PCDHGA6: variants seen among roughly 807,000 people sequenced by gnomAD.
PCDHGA6 encodes the protein protocadherin gamma subfamily A, 6.
Under a neutral mutation model 60.6 loss-of-function variants are expected in PCDHGA6, and 41 were observed. That is an observed-to-expected ratio of 0.68 (90% CI 0.53 to 0.88). The LOEUF (loss-of-function observed/expected upper bound fraction) is 0.88. Among genes scored for constraint, PCDHGA6 ranks in the 40% least tolerant of loss-of-function variants. The pLI is 0.00. For synonymous variants in PCDHGA6, 594 were observed against 524.4 expected (o/e 1.13, Z -1.81); for missense variants, 1,312 against 1,203.0 (o/e 1.09, Z -1.34).
At chr5:141,434,338 G>A (rs1037038534) in intron 1 of PCDHGA6, among the ~76,000 whole-genome samples, 5 of 152,086 alleles carry the variant, frequency 3.3e-5, no homozygotes, top group East Asian at 1.9e-4. Context: ...TCTTTGTGTC[G>A]GGAACAGGCC....
At chr5:141,464,870 C>G (rs1488189681) in intron 1 of PCDHGA6, among the ~76,000 whole-genome samples, 1 of 152,126 alleles carries the variant, frequency 6.6e-6, no homozygotes, top group Non-Finnish European at 1.5e-5. Flanking sequence ...TCCCAAGTAG[C>G]TAGGACTACA....
At chr5:141,413,572 A>C in intron 1 of PCDHGA6, 2 of 1,613,890 alleles carry the variant, frequency 1.2e-6, no homozygotes, top group Non-Finnish European at 1.7e-6. Context: ...TATCAATGAC[A>C]ATGCTCCAAA....
At chr5:141,403,524 A>T in intron 1 of PCDHGA6, 1 of 1,613,890 alleles carries the variant, frequency 6.2e-7, no homozygotes. Context: ...GGAGCCATAA[A>T]CCCAGAGCTG....
In PCDHGA6 at chr5:141,480,546, G is replaced by A. The variant is rs184388425; in HGVS notation, c.2425-14261G>A. Reference sequence around the variant, plus strand: ...GACAAAGTAGAAGCACATATGAAAAGGCTAAGAAAGCATGAAAGCCAGCAA... The same window carrying A: ...GACAAAGTAGAAGCACATATGAAAAAGCTAAGAAAGCATGAAAGCCAGCAA... On this transcript the variant is annotated intron_variant, in intron 1 of 3. Coordinates refer to ENST00000517434, the MANE Select transcript of PCDHGA6 (RefSeq NM_018919.3). 4.9e-4 allele frequency among the ~76,000 whole-genome samples: 63 copies of A among 128,620 alleles called. 1 individual carries two copies. Among genetic ancestry groups the A allele is most frequent in the Middle Eastern group, 4.2e-3 (1 of 236 alleles). The allele number at this position is 128,620 out of a possible 152,430, so 84.4% of individuals were successfully genotyped here. A position where few individuals can be genotyped will look rare whatever the true frequency, so the allele number is the denominator to read the frequency against.
chr5:141,472,556 T>A (rs2099287889), intron 1 of PCDHGA6, among the ~76,000 whole-genome samples: 1 of 151,628 alleles, frequency 6.6e-6, no homozygotes, highest in South Asian at 2.1e-4. Flanking sequence ...AAAAAAATTA[T>A]ATTATAAATG....
chr5:141,410,180 C>G (rs776702898), intron 1 of PCDHGA6: 43 of 1,613,802 alleles, frequency 2.7e-5, no homozygotes, highest in Non-Finnish European at 3.4e-5. Context: ...CACCGCCACG[C>G]TTCATCTGGT....
At position 141,491,150 on chromosome 5, in the gene PCDHGA6, A is replaced by G; in HGVS notation, c.2425-3657A>G. On this transcript the variant is annotated intron_variant, in intron 1 of 3. Coordinates refer to ENST00000517434, the MANE Select transcript of PCDHGA6 (RefSeq NM_018919.3). This position sits in a 1 kb window ranked among gnomAD's most constrained non-coding sequence, Gnocchi z 6.9. ...CGCACAGCCCGGGCCTTACTGGAGG[A>G]TGACTCTGACACCCAGCAGGTGGTG... is the stretch of plus-strand genomic sequence containing the variant. 1 of 1,614,122 alleles carries G rather than the reference A, an allele frequency of 6.2e-7. No individual in the cohort carries two copies. Among genetic ancestry groups the G allele is most frequent in the African/African-American group, 1.3e-5 (1 of 75,060 alleles).
chr5:141,383,095 A>G, intron 1 of PCDHGA6: 1 of 1,613,956 alleles, frequency 6.2e-7, no homozygotes, highest in Non-Finnish European at 8.5e-7. Context: ...CGGAGTCCGC[A>G]TCATCTCCAG....
chr5:141,411,868 A>AG (rs1463496640), intron 1 of PCDHGA6: 1 of 152,224 alleles, frequency 6.6e-6, no homozygotes, highest in East Asian at 1.9e-4. Flanking sequence ...TCAAAAAAAA[A>AG]AGACATTTCT....
At chr5:141,406,908 A>G (rs1256233458) in intron 1 of PCDHGA6, among the ~76,000 whole-genome samples, 2 of 152,204 alleles carry the variant, frequency 1.3e-5, no homozygotes, top group Non-Finnish European at 2.9e-5. Flanking sequence ...GTTTTTAGCT[A>G]TAAGGAAGAG....
Position 141,476,757 on chromosome 5 carries a change from T to C in PCDHGA6, c.2425-18050T>C. On this transcript the variant is annotated intron_variant, in intron 1 of 3. Coordinates refer to ENST00000517434, the MANE Select transcript of PCDHGA6 (RefSeq NM_018919.3). This position sits in a 1 kb window ranked among gnomAD's most constrained non-coding sequence, Gnocchi z 7.6. ...CGGGAGCCTAGTCTCCAGTTAGTGC[T>C]GACGGCGTTGGACGGAGGGACCCCA... 1.2e-6 allele frequency: 2 copies of C among 1,613,906 alleles called. No individual in the cohort carries two copies. The highest frequency in any genetic ancestry group is 1.7e-6 in the Non-Finnish European group (2 of 1,180,004).
At chr5:141,399,971 T>C in intron 1 of PCDHGA6, 1 of 1,612,208 alleles carries the variant, frequency 6.2e-7, no homozygotes, top group Non-Finnish European at 8.5e-7. Flanking sequence ...CTCTTCAGCC[T>C]GGGGCTGCGC....
intron 1 of PCDHGA6, chr5:141,405,207 C>A (rs767001796): frequency 6.2e-7 from 1 of 1,613,292 alleles, no homozygotes; most frequent in Non-Finnish European, 8.5e-7. Flanking sequence ...TTCCTACAGA[C>A]CTATTCTCAG....
rs1554116873 is a variant in PCDHGA6 at position 141,423,758 on chromosome 5, G to GT, written c.2424+47251_2424+47252insT. On this transcript the variant is annotated intron_variant, in intron 1 of 3. Coordinates refer to ENST00000517434, the MANE Select transcript of PCDHGA6 (RefSeq NM_018919.3). Reference sequence around the variant, plus strand: ...CTGTTATGAAAACTGTTTGGGGGGGGGGTGGGGCGGCATATATTTAGTTCA... The same window carrying GT: ...CTGTTATGAAAACTGTTTGGGGGGGGTGGTGGGGCGGCATATATTTAGTTCA... 14 of 366,842 alleles carry GT rather than the reference G, an allele frequency of 3.8e-5. 1 individual carries two copies. The highest frequency in any genetic ancestry group is 5.4e-5 in the Non-Finnish European group (14 of 259,742). The allele number at this position is 366,842 out of a possible 1,614,324, so 22.7% of individuals were successfully genotyped here. A position where few individuals can be genotyped will look rare whatever the true frequency, so the allele number is the denominator to read the frequency against.
intron 1 of PCDHGA6, chr5:141,404,730 C>G: frequency 6.2e-7 from 1 of 1,613,984 alleles, no homozygotes; most frequent in East Asian, 2.2e-5. Context: ...AAGGTGGTGG[C>G]AGTGGACAGA....
At position 141,375,178 on chromosome 5, in the gene PCDHGA6, A is replaced by G; in HGVS notation, c.1095A>G (p.Val365=). The G allele has an allele frequency of 6.2e-7, 1 of 1,613,980 alleles. No homozygotes were observed. Among genetic ancestry groups the G allele is most frequent in the Non-Finnish European group, 8.5e-7 (1 of 1,179,894 alleles). The part of the protein sequence containing the change: ...TIAESAPPGT[V]IALFQVFDRD... ...CTGAAAGTGCACCTCCAGGAACAGT[A>G]ATCGCCCTTTTTCAAGTGTTCGATC... The change falls in exon 1 of 4, where the codon GTA becomes GTG. Residue 365 remains valine (V), a synonymous_variant. Coordinates refer to ENST00000517434, the MANE Select transcript of PCDHGA6 (RefSeq NM_018919.3).
chr5:141,375,731 C>G lies in PCDHGA6; in HGVS notation c.1648C>G (p.Leu550Val). The G allele has an allele frequency of 1.2e-6, 2 of 1,614,256 alleles. No individual in the cohort carries two copies. Among genetic ancestry groups the G allele is most frequent in the Non-Finnish European group, 1.7e-6 (2 of 1,180,030 alleles). ...PPLSSNVSLS[L>V]FVLDQNDNAP... ...TCTTAGCAGCAACGTGTCACTGAGC[C>G]TGTTTGTGCTGGACCAGAATGACAA... Residue 550 changes from leucine (L) to valine (V), a missense_variant, in exon 1 of 4, where the codon CTG becomes GTG. By Grantham distance (32) the Leu-to-Val change is conservative. Coordinates refer to ENST00000517434, the MANE Select transcript of PCDHGA6 (RefSeq NM_018919.3).
At chr5:141,423,631 T>G (rs1452661307) in intron 1 of PCDHGA6, 2 of 1,603,990 alleles carry the variant, frequency 1.2e-6, no homozygotes, top group African/African-American at 2.7e-5. Flanking sequence ...AGCTATCATT[T>G]TAGGCAAATG....
chr5:141,461,902 C>A (rs1477274695), intron 1 of PCDHGA6, among the ~76,000 whole-genome samples: 1 of 152,116 alleles, frequency 6.6e-6, no homozygotes, highest in African/African-American at 2.4e-5. Flanking sequence ...CGGCTCACTG[C>A]AACCTCTGCC....
Sources: allele counts gnomAD v4.1 joint callset (sites outside exome capture counted in the v4.1 genomes callset), GRCh38; gene constraint gnomAD v4.1.1; non-coding constraint Gnocchi (gnomAD v3.1); transcripts MANE v1.5; gene names NCBI Gene and HGNC (gene_info 2026-07-23, HGNC 2026-07-21).